The following FHIT variants were observed in gnomAD, a reference collection of about 807,000 sequenced individuals.
FHIT encodes bis(5'-adenosyl)-triphosphatase.
A neutral mutation model predicts 17.9 loss-of-function variants in FHIT; 19 were observed. That is an observed-to-expected ratio of 1.06 (90% CI 0.74 to 1.56). The LOEUF (loss-of-function observed/expected upper bound fraction) is 1.56, where lower values mean the gene tolerates loss of function less well. Among genes scored for constraint, FHIT ranks in the 40% most tolerant of loss-of-function variants. The pLI is 0.00. For synonymous variants in FHIT, 81 were observed against 69.7 expected (o/e 1.16, Z -0.81); for missense variants, 248 against 189.2 (o/e 1.31, Z -1.82).
chr3:61,081,031 C>T (rs1176583659), intron 2 of FHIT, among the ~76,000 whole-genome samples: 1 of 152,146 alleles, frequency 6.6e-6, no homozygotes, highest in Non-Finnish European at 1.5e-5. Flanking sequence ...TGGAGAGAAG[C>T]ATCTGACAAA....
chr3:60,779,325 C>A (rs1180679436), intron 4 of FHIT, among the ~76,000 whole-genome samples: 3 of 152,152 alleles, frequency 2.0e-5, no homozygotes, highest in Non-Finnish European at 4.4e-5. Context: ...ACCCTGCTTG[C>A]TCCTGTGAAC....
intron 5 of FHIT, among the ~76,000 whole-genome samples, chr3:60,357,330 C>T (rs886553274): frequency 1.3e-4 from 20 of 152,120 alleles, no homozygotes; most frequent in South Asian, 4.1e-4. Flanking sequence ...TCTCCTGCCT[C>T]GGCCTCTTGA....
chr3:60,208,136 T>A (rs1703286493), intron 5 of FHIT, among the ~76,000 whole-genome samples: 1 of 152,220 alleles, frequency 6.6e-6, no homozygotes, highest in Non-Finnish European at 1.5e-5. Context: ...TTTAAATGTG[T>A]TTACACTTTT....
At chr3:60,928,874 C>T (rs1559839316) in intron 3 of FHIT, among the ~76,000 whole-genome samples, 2 of 152,196 alleles carry the variant, frequency 1.3e-5, no homozygotes, top group Non-Finnish European at 2.9e-5. Flanking sequence ...ATGAGGCCAG[C>T]ATCATCCTGA....
intron 2 of FHIT, among the ~76,000 whole-genome samples, chr3:61,121,734 C>T (rs2036462751): frequency 6.6e-6 from 1 of 152,110 alleles, no homozygotes; most frequent in Non-Finnish European, 1.5e-5. Context: ...CAAATTCACA[C>T]ACAACAATAT....
intron 7 of FHIT, among the ~76,000 whole-genome samples, chr3:59,934,144 C>A (rs1261576670): frequency 2.6e-5 from 4 of 152,116 alleles, no homozygotes; most frequent in Admixed American, 2.6e-4. Flanking sequence ...GCACCATATG[C>A]CAGGAACTGA....
chr3:61,239,015 G>A (rs1156718408), intron 1 of FHIT, among the ~76,000 whole-genome samples: 1 of 152,166 alleles, frequency 6.6e-6, no homozygotes, highest in Non-Finnish European at 1.5e-5. Context: ...GGTCCAGAGA[G>A]TGTATTAACA....
rs72883942 is a variant in FHIT, at chr3:60,520,423, G to T, written c.103+16437C>A. Among the ~76,000 whole-genome samples the T allele has an allele frequency of 5.8e-3, 890 of 152,202 alleles. 6 individuals carry two copies. The highest frequency in any genetic ancestry group is 0.02 in the African/African-American group (835 of 41,512). On this transcript the variant is annotated intron_variant, in intron 5 of 9. Coordinates refer to ENST00000492590, the MANE Select transcript of FHIT (RefSeq NM_002012.4). ...TAATGCTCCGTACCTCCTGTGTACG[G>T]ATTATATCAGGAGGCTGAGCTGTGG...
intron 5 of FHIT, among the ~76,000 whole-genome samples, chr3:60,524,260 T>C (rs927157219): frequency 6.0e-5 from 9 of 149,718 alleles, no homozygotes; most frequent in African/African-American, 1.7e-4. Flanking sequence ...ATAAATTATA[T>C]AATAATTTAG....
chr3:60,495,573 A>T (rs2034267629), intron 5 of FHIT, among the ~76,000 whole-genome samples: 1 of 151,646 alleles, frequency 6.6e-6, no homozygotes, highest in Non-Finnish European at 1.5e-5. Flanking sequence ...CATATGCATT[A>T]AAAAAAAGAC....
intron 7 of FHIT, among the ~76,000 whole-genome samples, chr3:60,006,198 T>C (rs1699918080): frequency 6.6e-6 from 1 of 152,214 alleles, no homozygotes; most frequent in Admixed American, 6.5e-5. Context: ...CAGTATTATT[T>C]TCCCCAATTA....
chr3:60,960,712 T>G (rs1486456867), intron 3 of FHIT, among the ~76,000 whole-genome samples: 1 of 152,236 alleles, frequency 6.6e-6, no homozygotes, highest in African/African-American at 2.4e-5. Flanking sequence ...TGCAATAGTT[T>G]GCTCAGAATG....
intron 5 of FHIT, among the ~76,000 whole-genome samples, chr3:60,237,398 G>T (rs949978592): frequency 1.4e-4 from 21 of 151,060 alleles, no homozygotes; most frequent in Admixed American, 5.3e-4. Flanking sequence ...AATATACCAA[G>T]TGACTGCTAA....
At chr3:60,105,878 A>G (rs1009821896) in intron 5 of FHIT, among the ~76,000 whole-genome samples, 1 of 152,228 alleles carries the variant, frequency 6.6e-6, no homozygotes, top group African/African-American at 2.4e-5. Context: ...ATTTTCAGAG[A>G]AAAGAATTCT....
Position 60,864,426 on chromosome 3 carries a change from G to T in FHIT, c.-110-42415C>A, listed in dbSNP as rs533889737. Among the ~76,000 whole-genome samples the T allele has an allele frequency of 2.8e-4, 42 of 152,268 alleles. 1 individual carries two copies. The South Asian group carries it at 5.8e-3, about 21-fold the overall frequency. On this transcript the variant is annotated intron_variant, in intron 3 of 9. Transcript: ENST00000492590. The stretch of plus-strand genomic sequence containing the variant: ...AGCCCATGGTTTTAAACACTTCATT[G>T]TGCTGTCTCTCATTGCAGAAGGGTG...
intron 3 of FHIT, among the ~76,000 whole-genome samples, chr3:60,852,163 G>A (rs1703181101): frequency 6.6e-6 from 1 of 152,132 alleles, no homozygotes; most frequent in South Asian, 2.1e-4. Context: ...CAAGAAAGAG[G>A]AAACTCCTCT....
intron 1 of FHIT, among the ~76,000 whole-genome samples, chr3:61,245,332 C>A (rs985175568): frequency 1.3e-5 from 2 of 152,152 alleles, no homozygotes; most frequent in Non-Finnish European, 2.9e-5. Context: ...GAGATTTGGA[C>A]ACTTTCCCCA....
chr3:59,848,529 A>C (rs1392562604), intron 8 of FHIT, among the ~76,000 whole-genome samples: 1 of 152,234 alleles, frequency 6.6e-6, no homozygotes, highest in Non-Finnish European at 1.5e-5. Flanking sequence ...TATCTTCTAA[A>C]ATAATAGAGA....
intron 3 of FHIT, among the ~76,000 whole-genome samples, chr3:60,981,573 A>C (rs1415877637): frequency 6.6e-6 from 1 of 151,868 alleles, no homozygotes; most frequent in Non-Finnish European, 1.5e-5. Context: ...GGCCTCCCAA[A>C]GTGCTAGGAT....
Sources: allele counts gnomAD v4.1 joint callset (sites outside exome capture counted in the v4.1 genomes callset), GRCh38; gene constraint gnomAD v4.1.1; transcripts MANE v1.5; gene names NCBI Gene and HGNC (gene_info 2026-07-23, HGNC 2026-07-21).